The following DPP10 variants were observed in gnomAD, a reference collection of about 807,000 sequenced individuals.
The protein encoded by DPP10 is inactive dipeptidyl peptidase 10.
Under a neutral mutation model 120.9 loss-of-function variants are expected in DPP10, and 33 were observed. That is an observed-to-expected ratio of 0.27 (90% CI 0.21 to 0.37). The LOEUF (loss-of-function observed/expected upper bound fraction) is 0.37. DPP10 is among the 10% of genes least tolerant of loss of function. The pLI is 1.00. For synonymous variants in DPP10, 337 were observed against 326.1 expected (o/e 1.03, Z -0.36); for missense variants, 816 against 942.8 (o/e 0.87, Z 1.76).
chr2:115,502,130 T>A (rs2076714698), intron 4 of DPP10, among the ~76,000 whole-genome samples: 1 of 152,146 alleles, frequency 6.6e-6, no homozygotes, highest in Admixed American at 6.6e-5. Context: ...TCTTAATTTA[T>A]CTTATGATAT....
chr2:114,539,117 T>C (rs1020541977), intron 1 of DPP10, among the ~76,000 whole-genome samples: 1 of 150,026 alleles, frequency 6.7e-6, no homozygotes, highest in Non-Finnish European at 1.5e-5. Context: ...AAAATAAAAA[T>C]TGTATTTTAT....
rs549558698 is a variant in DPP10 at position 114,630,974 on chromosome 2, G to A, written c.60+188136G>A. On this transcript the variant is annotated intron_variant, in intron 1 of 25. Coordinates refer to ENST00000410059, the MANE Select transcript of DPP10 (RefSeq NM_020868.6). ...GGTGCTGTTGCATTGGTATCTAGTT[G>A]ATGCCTGAGAGATCAAAAGGCTTGA... is the stretch of plus-strand genomic sequence containing the variant. Among the ~76,000 whole-genome samples the A allele has an allele frequency of 6.6e-5, 10 of 152,216 alleles. No homozygotes were observed. The South Asian group carries it at 1.7e-3, about 25-fold the overall frequency.
chr2:115,282,017 A>T (rs1451057466), intron 1 of DPP10, among the ~76,000 whole-genome samples: 2 of 152,050 alleles, frequency 1.3e-5, no homozygotes, highest in East Asian at 3.9e-4. Flanking sequence ...TATATTCATT[A>T]CTTTAAGGTA....
chr2:115,353,178 G>A (rs543177087), intron 3 of DPP10, among the ~76,000 whole-genome samples: 1 of 152,200 alleles, frequency 6.6e-6, no homozygotes, highest in African/African-American at 2.4e-5. Flanking sequence ...AACGGTTGGA[G>A]TCGTCTTTAT....
At chr2:115,371,125 G>T (rs1286196087) in intron 3 of DPP10, among the ~76,000 whole-genome samples, 1 of 152,010 alleles carries the variant, frequency 6.6e-6, no homozygotes, top group Non-Finnish European at 1.5e-5. Flanking sequence ...TCTGCTACTG[G>T]TATTTCCCAC....
At chr2:115,063,329 C>T (rs1001263314) in intron 1 of DPP10, among the ~76,000 whole-genome samples, 1 of 152,156 alleles carries the variant, frequency 6.6e-6, no homozygotes, top group African/African-American at 2.4e-5. Flanking sequence ...TTCTCCCATT[C>T]TGTAGGTTGT....
At chr2:115,188,863 T>G (rs1165967043) in intron 1 of DPP10, among the ~76,000 whole-genome samples, 3 of 152,088 alleles carry the variant, frequency 2.0e-5, no homozygotes, top group African/African-American at 7.2e-5. Context: ...CACCTAAGGC[T>G]GTTCACTGTA....
At chr2:115,329,044 A>T (rs1324922650) in intron 2 of DPP10, among the ~76,000 whole-genome samples, 8 of 152,060 alleles carry the variant, frequency 5.3e-5, no homozygotes. Flanking sequence ...GTAGGTGGTA[A>T]ACTTCTTGCA....
intron 1 of DPP10, among the ~76,000 whole-genome samples, chr2:114,992,818 A>G (rs1044294544): frequency 6.6e-6 from 1 of 152,252 alleles, no homozygotes; most frequent in Non-Finnish European, 1.5e-5. Context: ...AGAATGTGGT[A>G]TAATCAATAG....
chr2:114,507,411 CACAA>C (rs1683767809), intron 1 of DPP10, among the ~76,000 whole-genome samples: 1 of 152,138 alleles, frequency 6.6e-6, no homozygotes, highest in South Asian at 2.1e-4. Context: ...ACAAACATCA[CACAA>C]ACAAGAAGAT....
At chr2:114,594,789 A>T (rs568929792) in intron 1 of DPP10, among the ~76,000 whole-genome samples, 1 of 152,062 alleles carries the variant, frequency 6.6e-6, no homozygotes, top group South Asian at 2.1e-4. Context: ...CATTGTTGCT[A>T]TCTTCCATTT....
intron 3 of DPP10, among the ~76,000 whole-genome samples, chr2:115,363,408 A>T (rs2064900186): frequency 6.6e-6 from 1 of 152,126 alleles, no homozygotes; most frequent in Non-Finnish European, 1.5e-5. Flanking sequence ...CTCTCCTCAG[A>T]CTCATGGTTA....
intron 1 of DPP10, among the ~76,000 whole-genome samples, chr2:115,248,561 A>G (rs1339441222): frequency 6.6e-6 from 1 of 152,114 alleles, no homozygotes; most frequent in Non-Finnish European, 1.5e-5. Flanking sequence ...TGTGTTATAC[A>G]GAGGGAATAA....
chr2:114,796,945 C>G (rs1458260458), intron 1 of DPP10, among the ~76,000 whole-genome samples: 1 of 152,082 alleles, frequency 6.6e-6, no homozygotes, highest in Non-Finnish European at 1.5e-5. Context: ...GTAATGGAGA[C>G]AGAAATAGGT....
At chr2:115,109,671 ATAT>A (rs2049120078) in intron 1 of DPP10, among the ~76,000 whole-genome samples, 1 of 152,204 alleles carries the variant, frequency 6.6e-6, no homozygotes, top group Non-Finnish European at 1.5e-5. Flanking sequence ...GCTCAAGGAA[ATAT>A]TATCCATTCC....
intron 1 of DPP10, among the ~76,000 whole-genome samples, chr2:114,777,608 C>G (rs1166796199): frequency 2.0e-5 from 3 of 151,904 alleles, no homozygotes; most frequent in African/African-American, 4.8e-5. Context: ...TGCTGAATGT[C>G]TCGTGTGAAA....
chr2:115,698,154 T>C (rs576671164), intron 7 of DPP10, among the ~76,000 whole-genome samples: 2 of 152,254 alleles, frequency 1.3e-5, no homozygotes, highest in South Asian at 2.1e-4. Flanking sequence ...TTTAAAAAAT[T>C]ATCACACAAA....
chr2:114,470,004 C>T (rs1234938360), intron 1 of DPP10, among the ~76,000 whole-genome samples: 1 of 152,186 alleles, frequency 6.6e-6, no homozygotes, highest in African/African-American at 2.4e-5. Context: ...CCAATGGACA[C>T]CTTGAGGTGA....
chr2:115,055,753 G>T (rs982892245), intron 1 of DPP10, among the ~76,000 whole-genome samples: 1 of 152,076 alleles, frequency 6.6e-6, no homozygotes, highest in Non-Finnish European at 1.5e-5. Flanking sequence ...ACTGCATTTT[G>T]TTGCACCCAA....
Sources: allele counts gnomAD v4.1 joint callset (sites outside exome capture counted in the v4.1 genomes callset), GRCh38; gene constraint gnomAD v4.1.1; transcripts MANE v1.5; gene names NCBI Gene and HGNC (gene_info 2026-07-23, HGNC 2026-07-21).